The following ZMYND8 variants were observed in gnomAD, a reference collection of about 807,000 sequenced individuals.
ZMYND8 encodes zinc finger MYND-type containing 8, also known as MYND-type zinc finger-containing chromatin reader ZMYND8.
Under a neutral mutation model 140.8 loss-of-function variants are expected in ZMYND8, and 37 were observed. The observed-to-expected ratio is 0.26, with a 90% CI of 0.20 to 0.35. The LOEUF is 0.35. ZMYND8 is among the 10% of genes least tolerant of loss of function. The probability of loss-of-function intolerance (pLI) is 1.00; values close to 1 mark genes in which losing one functional copy is unlikely to be tolerated. For missense variants in ZMYND8, 1,068 were observed against 1,570.0 expected (o/e 0.68, Z 5.40); for synonymous variants, 592 against 597.1 (o/e 0.99, Z 0.12).
intron 10 of ZMYND8, among the ~76,000 whole-genome samples, chr20:47,279,610 C>T (rs940058019): frequency 2.6e-5 from 4 of 152,100 alleles, no homozygotes; most frequent in African/African-American, 9.7e-5. Context: ...TCACATCTAA[C>T]CCCACGGTGG....
intron 15 of ZMYND8, among the ~76,000 whole-genome samples, chr20:47,236,777 A>C (rs112477545): frequency 0.014 from 2,075 of 152,296 alleles, 48 homozygotes; most frequent in African/African-American, 0.047. Flanking sequence ...TCTTAAAGCG[A>C]CTGCCTGGGA....
intron 2 of ZMYND8, among the ~76,000 whole-genome samples, chr20:47,312,171 A>G (rs1210919565): frequency 1.3e-5 from 2 of 152,196 alleles, no homozygotes; most frequent in Non-Finnish European, 2.9e-5. Context: ...TGTAGGCTGC[A>G]TGGTGCATCT....
chr20:47,300,994 G>T (rs1396688009), intron 3 of ZMYND8, among the ~76,000 whole-genome samples: 1 of 151,542 alleles, frequency 6.6e-6, no homozygotes, highest in East Asian at 1.9e-4. Context: ...CTGGTATTAA[G>T]AGGTTTTACT....
Position 47,212,634 on chromosome 20 carries a change from ATACT to A in ZMYND8, c.3568+4_3568+7del. On this transcript the variant is annotated splice_donor_5th_base_variant and intron_variant, in intron 22 of 22. Transcript: ENST00000471951. The stretch of plus-strand genomic sequence containing the variant: ...CCGGCAGCTTTCGTAAGACAGGTTC[ATACT>A]TACACTTCTGGGCGGGGTAGTTGGG... 3 of 1,613,826 alleles carry A rather than the reference ATACT, an allele frequency of 1.9e-6. No homozygotes were observed. Among genetic ancestry groups the A allele is most frequent in the Non-Finnish European group, 2.5e-6 (3 of 1,179,760 alleles).
Position 47,287,225 on chromosome 20 carries a change from A to G in ZMYND8, c.804+4T>C, listed in dbSNP as rs1042032040. On this transcript the variant is annotated splice_donor_region_variant and intron_variant, in intron 8 of 22. Transcript: ENST00000471951. Reference sequence around the variant, plus strand: ...TCTAAAACAGGACAGTGGGAAACACATACCTCATGTTCACAGATTTTGATG... The same window carrying G: ...TCTAAAACAGGACAGTGGGAAACACGTACCTCATGTTCACAGATTTTGATG... 3 of 1,613,528 alleles carry G rather than the reference A, an allele frequency of 1.9e-6. No individual in the cohort carries two copies. In the East Asian group the frequency reaches 6.7e-5, roughly 36 times the overall value.
intron 10 of ZMYND8, among the ~76,000 whole-genome samples, chr20:47,278,954 G>A (rs2076426427): frequency 6.6e-6 from 1 of 151,904 alleles, no homozygotes; most frequent in African/African-American, 2.4e-5. Flanking sequence ...CTCTGTCACC[G>A]AGAAAAAGGA....
At chr20:47,228,111 T>A in intron 17 of ZMYND8, among the ~76,000 whole-genome samples, 1 of 151,718 alleles carries the variant, frequency 6.6e-6, no homozygotes, top group South Asian at 2.1e-4. Context: ...AAAAAAAATT[T>A]AATTTAAAAA....
rs1214100478 is a variant in ZMYND8 at position 47,209,366 on chromosome 20, T to C, written c.*1395A>G. 1 of 152,140 alleles carries C rather than the reference T, an allele frequency of 6.6e-6. No homozygotes were observed. The highest frequency in any genetic ancestry group is 1.5e-5 in the Non-Finnish European group (1 of 68,034). 9.4% of individuals were successfully genotyped at this position (152,140 alleles called of 1,614,324 possible). On this transcript the variant is annotated 3_prime_UTR_variant, in exon 23 of 23. Transcript: ENST00000471951. Reference sequence around the variant, plus strand: ...CACCACCATCAAAAAGATATTTAAGTTTAATACAAATTTTATACAAAGAAA... The same window carrying C: ...CACCACCATCAAAAAGATATTTAAGCTTAATACAAATTTTATACAAAGAAA...
At position 47,289,384 on chromosome 20, in the gene ZMYND8, G is replaced by A. The variant is rs144638122; in HGVS notation, c.748+803C>T. On this transcript the variant is annotated intron_variant, in intron 7 of 22. Coordinates refer to ENST00000471951, the MANE Select transcript of ZMYND8 (RefSeq NM_001281775.3). ...GAATGTAAAATGATAGAACCACTTT[G>A]CAAAAACTGTTTGGTGAAACGTAGT... Among the ~76,000 whole-genome samples, 22 of 152,236 alleles carry A rather than the reference G, an allele frequency of 1.4e-4. No homozygotes were observed. In the South Asian group the frequency reaches 3.9e-3, roughly 27 times the overall value.
chr20:47,245,823 T>A (rs2040501928), intron 14 of ZMYND8, among the ~76,000 whole-genome samples, 185 bp downstream of exon 14: 2 of 152,260 alleles, frequency 1.3e-5, no homozygotes. Context: ...GTCCAGGTCC[T>A]GTTCTATGAC....
chr20:47,249,605 G>T (rs925483004), intron 12 of ZMYND8, among the ~76,000 whole-genome samples, 166 bp from the exon 13 acceptor site: 10 of 152,176 alleles, frequency 6.6e-5, no homozygotes, highest in Non-Finnish European at 1.2e-4. Flanking sequence ...ACCAAATGGG[G>T]TGACATGAAG....
chr20:47,213,998 G>A (rs2035681417), intron 21 of ZMYND8, among the ~76,000 whole-genome samples: 1 of 152,118 alleles, frequency 6.6e-6, no homozygotes, highest in Non-Finnish European at 1.5e-5. Flanking sequence ...ACGAAAAGAT[G>A]AACAGGAGAG....
Position 47,238,882 on chromosome 20 carries a change from C to T in ZMYND8, c.2541G>A (p.Thr847=), listed in dbSNP as rs190889041. ...TCTGCATGTGCCACTTTTGGGAGGA[C>T]GTTTGAAACTTACTTGATGAGTTCC... ...VVWNSSSKFQ[T]SSQKWHMQKM... is the part of the protein sequence containing the mutation. The change falls in exon 15 of 23, where the codon ACG becomes ACA. Residue 847 remains threonine (T), a synonymous_variant. Transcript: ENST00000471951. The T allele has an allele frequency of 4.2e-5, 68 of 1,613,818 alleles. No individual in the cohort carries two copies. The East Asian group carries it at 1.4e-3, about 34-fold the overall frequency.
At chr20:47,310,320 C>A in intron 2 of ZMYND8, 116 bp from the exon 3 acceptor site, 1 of 1,256,314 alleles carries the variant, frequency 8.0e-7, no homozygotes, top group Admixed American at 2.5e-5. Flanking sequence ...CCCCAACTCC[C>A]GAAGCCACTT....
chr20:47,228,586 A>G (rs894791031), intron 17 of ZMYND8, among the ~76,000 whole-genome samples: 4 of 152,236 alleles, frequency 2.6e-5, no homozygotes, highest in Admixed American at 2.6e-4. Flanking sequence ...TGTCCAAAGC[A>G]TAATCATAAA....
intron 20 of ZMYND8, 89 bp downstream of exon 20, chr20:47,221,224 CG>C (rs2146929193): frequency 1.3e-6 from 2 of 1,524,388 alleles, no homozygotes; most frequent in Middle Eastern, 2.4e-4. Context: ...TCCCACAACA[CG>C]GAACTTTCAG....
intron 18 of ZMYND8, among the ~76,000 whole-genome samples, 178 bp from the exon 19 acceptor site, chr20:47,224,734 A>C (rs765346557): frequency 3.3e-5 from 5 of 152,206 alleles, no homozygotes; most frequent in African/African-American, 4.8e-5. Flanking sequence ...GGCATTCATC[A>C]TGGTGACCAG....
chr20:47,318,104 G>A (rs2079562890), intron 2 of ZMYND8, among the ~76,000 whole-genome samples: 2 of 151,980 alleles, frequency 1.3e-5, no homozygotes, highest in African/African-American at 4.8e-5. Context: ...TCTGGAAGGA[G>A]CATGTTAAAT....
intron 5 of ZMYND8, among the ~76,000 whole-genome samples, chr20:47,292,744 T>A (rs937037527): frequency 4.6e-5 from 7 of 152,098 alleles, no homozygotes; most frequent in African/African-American, 1.7e-4. Flanking sequence ...GGGCATCATG[T>A]CCGCAAGTTT....
Sources: gnomAD v4.1 joint callset for allele counts (sites outside exome capture counted in the v4.1 genomes callset) on GRCh38, gnomAD v4.1.1 for gene constraint, MANE v1.5 for transcripts, NCBI Gene and HGNC (gene_info 2026-07-23, HGNC 2026-07-21) for gene names.